Variants in CLCNKA observed in about 807,000 individuals in gnomAD.
CLCNKA encodes the protein chloride voltage-gated channel Ka, also known as chloride channel protein ClC-Ka.
CLCNKA carries 66 observed loss-of-function variants against 83.3 expected under a neutral mutation model. That is an observed-to-expected ratio of 0.79 (90% CI 0.65 to 0.97). The LOEUF is 0.97. Among genes scored for constraint, CLCNKA ranks in the 50% least tolerant of loss-of-function variants. CLCNKA has a pLI of 0.00. For missense variants in CLCNKA, 806 were observed against 888.7 expected, an observed-to-expected ratio of 0.91 and a Z score of 1.18; for synonymous variants, 357 against 370.4, an observed-to-expected ratio of 0.96 and a Z score of 0.42.
At chr1:16,031,489 C>T (rs1253170978) in intron 15 of CLCNKA, among the ~76,000 whole-genome samples, 2 of 152,008 alleles carry the variant, frequency 1.3e-5, no homozygotes, top group Non-Finnish European at 2.9e-5. Flanking sequence ...CATGGGGGAC[C>T]AGGGGGTTGG....
At position 16,033,241 on chromosome 1, in the gene CLCNKA, C is replaced by T. The variant is rs762137628; in HGVS notation, c.2001C>T (p.Cys667=). The change falls in exon 19 of 20, where the codon TGC becomes TGT. Residue 667 remains cysteine (C), a synonymous_variant. Transcript: ENST00000331433. The part of the protein sequence containing the change: ...FVTSRGRAVG[C]VSWVEMKKAI... Reference sequence around the variant, plus strand: ...CATCGCGGGGCAGAGCTGTGGGCTGCGTGTCCTGGGTGGAGGTACCAGGGT... The same window carrying T: ...CATCGCGGGGCAGAGCTGTGGGCTGTGTGTCCTGGGTGGAGGTACCAGGGT... 5 of 1,613,972 alleles carry T rather than the reference C, an allele frequency of 3.1e-6. No homozygotes were observed. The highest frequency in any genetic ancestry group is 3.4e-6 in the Non-Finnish European group (4 of 1,179,968).
Position 16,027,852 on chromosome 1 carries a change from C to T in CLCNKA, c.813C>T (p.Phe271=), listed in dbSNP as rs769867328. The T allele has an allele frequency of 2.0e-5, 32 of 1,612,702 alleles. No individual in the cohort carries two copies. Among genetic ancestry groups the T allele is most frequent in the Admixed American group, 5.0e-5 (3 of 59,908 alleles). Residue 271 remains phenylalanine, a synonymous_variant, in exon 9 of 20, where the codon TTC becomes TTT. Transcript: ENST00000331433. ...TCACCTCCCTCTACAAGACCAGTTT[C>T]CGGGTGGACGTTCCCTTCGACCTGC... ...ETITSLYKTS[F]RVDVPFDLPE... is the part of the protein sequence containing the mutation.
chr1:16,023,588 G>T (rs1387744778), intron 2 of CLCNKA, among the ~76,000 whole-genome samples: 1 of 152,178 alleles, frequency 6.6e-6, no homozygotes, highest in African/African-American at 2.4e-5. Context: ...TTCTGTTCAG[G>T]GCTCCTCCAT....
chr1:16,028,560 C>T (rs2022478617), intron 10 of CLCNKA: 3 of 712,384 alleles, frequency 4.2e-6, no homozygotes, highest in African/African-American at 1.7e-5. Flanking sequence ...CAGTCATACC[C>T]AGTTGAGGGG....
chr1:16,029,070 G>A (rs2022503164), intron 11 of CLCNKA, 56 bp from the exon 12 acceptor site: 1 of 1,590,080 alleles, frequency 6.3e-7, no homozygotes, highest in Non-Finnish European at 8.6e-7. Context: ...GGGGGAGGCT[G>A]GGGTCTGCCG....
chr1:16,031,784 A>T lies in CLCNKA; in HGVS notation c.1697A>T (p.Glu566Val). 6.2e-7 allele frequency: 1 copy of T among 1,613,956 alleles called. No homozygotes were observed. Among genetic ancestry groups the T allele is most frequent in the Non-Finnish European group, 8.5e-7 (1 of 1,180,022 alleles). The change falls in exon 16 of 20, where the codon GAG becomes GTG. Residue 566 changes from glutamate to valine, a missense_variant. Glu to Val is a moderately radical substitution (Grantham distance 121). Coordinates refer to ENST00000331433, the MANE Select transcript of CLCNKA (RefSeq NM_004070.4). ...CTGGCCAAGGACACGCCGCTGGAGG[A>T]GGTGGTCAAGGTTGTGACCTCCACA... ...TTLAKDTPLE[E>V]VVKVVTSTDV...
At chr1:16,024,666 GT>G in intron 3 of CLCNKA, 96 bp from the exon 4 acceptor site, 1 of 1,546,920 alleles carries the variant, frequency 6.5e-7, no homozygotes, top group Non-Finnish European at 8.8e-7. Context: ...TCCCCTCTTC[GT>G]GACTCCATTT....
At chr1:16,023,982 TG>T in intron 3 of CLCNKA, 54 bp downstream of exon 3, 1 of 1,610,214 alleles carries the variant, frequency 6.2e-7, no homozygotes, top group South Asian at 1.1e-5. Flanking sequence ...AGGCACGCTC[TG>T]GGGATACCAG....
At chr1:16,022,547 G>A in intron 1 of CLCNKA, 66 bp from the exon 2 acceptor site, 2 of 1,197,526 alleles carry the variant, frequency 1.7e-6, no homozygotes, top group Non-Finnish European at 2.4e-6. Flanking sequence ...GCACTGGAAG[G>A]GCCCAGAGGC....
At chr1:16,028,651 A>G (rs1172576697) in intron 10 of CLCNKA, 110 bp from the exon 11 acceptor site, 1 of 1,351,476 alleles carries the variant, frequency 7.4e-7, no homozygotes, top group Non-Finnish European at 1.1e-6. Flanking sequence ...TTGCCTCGGT[A>G]TCAGCCCCCA....
chr1:16,023,184 A>G (rs1230219763), intron 2 of CLCNKA, among the ~76,000 whole-genome samples: 1 of 152,216 alleles, frequency 6.6e-6, no homozygotes, highest in Non-Finnish European at 1.5e-5. Context: ...GTGCAGTGCC[A>G]GTGGCTGGTG....
chr1:16,032,499 G>C lies in CLCNKA; in HGVS notation c.1902G>C (p.Thr634=), dbSNP rs749017776. ...RGCPTEPVTL[T]LFSETTLHQA... ...GCCCCACGGAACCAGTGACCCTGAC[G>C]CTATTCTCAGAGACCACCTTGCACC... Residue 634 remains threonine, a synonymous_variant, in exon 18 of 20, where the codon ACG becomes ACC. Transcript: ENST00000331433. 6.2e-7 allele frequency: 1 copy of C among 1,613,216 alleles called. No homozygotes were observed. Among genetic ancestry groups the C allele is most frequent in the Non-Finnish European group, 8.5e-7 (1 of 1,179,840 alleles).
At chr1:16,027,230 G>C in intron 7 of CLCNKA, 80 bp from the exon 8 acceptor site, 1 of 1,587,154 alleles carries the variant, frequency 6.3e-7, no homozygotes, top group South Asian at 1.1e-5. Flanking sequence ...GGCTCAGGGA[G>C]GAGGCGAGAT....
At chr1:16,027,275 G>T (rs2022400072) in intron 7 of CLCNKA, 35 bp from the exon 8 acceptor site, 1 of 1,611,840 alleles carries the variant, frequency 6.2e-7, no homozygotes, top group Non-Finnish European at 8.5e-7. Flanking sequence ...GGTGGGTGGG[G>T]GTGGGGGCCC....
At chr1:16,026,856 A>T in intron 7 of CLCNKA, 81 bp downstream of exon 7, 2 of 1,547,442 alleles carry the variant, frequency 1.3e-6, no homozygotes, top group Non-Finnish European at 1.8e-6. Flanking sequence ...CCCAGCTGAG[A>T]GCCTGGAGGA....
chr1:16,024,648 C>T (rs2022272769), intron 3 of CLCNKA, 115 bp from the exon 4 acceptor site: 4 of 1,424,488 alleles, frequency 2.8e-6, no homozygotes, highest in South Asian at 1.2e-5. Flanking sequence ...CACTCTGTGG[C>T]CTGGTCCTCC....
In CLCNKA at chr1:16,027,696, G is replaced by C; in HGVS notation, c.782-125G>C. On this transcript the variant is annotated intron_variant, in intron 8 of 19. Coordinates refer to ENST00000331433, the MANE Select transcript of CLCNKA (RefSeq NM_004070.4). Reference sequence around the variant, plus strand: ...GCAAGAGCCTGGTTGTGGGGGCCTGGAATGCCAGGACACAGATTCCGAGTC... The same window carrying C: ...GCAAGAGCCTGGTTGTGGGGGCCTGCAATGCCAGGACACAGATTCCGAGTC... The C allele has an allele frequency of 2.0e-6, 3 of 1,529,530 alleles. No homozygotes were observed. In the South Asian group the frequency reaches 3.5e-5, roughly 18 times the overall value. The allele number at this position is 1,529,530 out of a possible 1,614,324, so 94.7% of individuals were successfully genotyped here.
intron 18 of CLCNKA, among the ~76,000 whole-genome samples, chr1:16,032,909 A>T (rs1164949478): frequency 6.6e-6 from 1 of 152,132 alleles, no homozygotes; most frequent in East Asian, 1.9e-4. Flanking sequence ...CTGACAGGGG[A>T]CCTGGAGATG....
intron 10 of CLCNKA, 37 bp from the exon 11 acceptor site, chr1:16,028,724 G>C: frequency 6.2e-7 from 1 of 1,611,828 alleles, no homozygotes. Flanking sequence ...ATGTAGGAAA[G>C]GGAGGGCCAG....
Sources: allele counts gnomAD v4.1 joint callset (sites outside exome capture counted in the v4.1 genomes callset), GRCh38; gene constraint gnomAD v4.1.1; transcripts MANE v1.5; gene names NCBI Gene and HGNC (gene_info 2026-07-23, HGNC 2026-07-21).